Variants in GRIA4 observed in about 807,000 individuals in gnomAD.
The protein encoded by GRIA4 is glutamate receptor 4.
Under a neutral mutation model 104.0 loss-of-function variants are expected in GRIA4, and 34 were observed. The observed-to-expected ratio is 0.33, with a 90% confidence interval of 0.25 to 0.44. GRIA4 has a LOEUF of 0.44. GRIA4 is among the 20% of genes least tolerant of loss of function. The pLI is 1.00. For missense variants in GRIA4, 750 were observed against 1,096.5 expected (o/e 0.68, Z 4.46); for synonymous variants, 386 against 381.9 (o/e 1.01, Z -0.13).
chr11:105,809,980 T>A (rs764433819), intron 4 of GRIA4, among the ~76,000 whole-genome samples: 20 of 152,094 alleles, frequency 1.3e-4, no homozygotes, highest in Non-Finnish European at 2.5e-4. Flanking sequence ...CTCCCATATA[T>A]AAATTTTTAA....
Position 105,664,597 on chromosome 11 carries a change from C to A in GRIA4, c.247+52163C>A, listed in dbSNP as rs139087295. 2.2e-3 allele frequency among the ~76,000 whole-genome samples: 338 copies of A among 151,858 alleles called. 3 individuals are homozygous for A. The highest frequency in any genetic ancestry group is 7.5e-3 in the African/African-American group (312 of 41,446). On this transcript the variant is annotated intron_variant, in intron 3 of 16. Transcript: ENST00000282499. Reference sequence around the variant, plus strand: ...TCTAGCACTGTTTTGTGTGGTAGAACCAGTAGTCATTTCTATTTGTAAGAT... The same window carrying A: ...TCTAGCACTGTTTTGTGTGGTAGAAACAGTAGTCATTTCTATTTGTAAGAT...
chr11:105,944,692 A>G (rs900463411), intron 14 of GRIA4, among the ~76,000 whole-genome samples: 1 of 152,096 alleles, frequency 6.6e-6, no homozygotes, highest in African/African-American at 2.4e-5. Context: ...CTTCATCTGG[A>G]CAGATGCTGC....
intron 3 of GRIA4, 144 bp from the exon 4 acceptor site, chr11:105,752,837 C>T (rs1940083268): frequency 2.8e-6 from 2 of 723,772 alleles, no homozygotes. Flanking sequence ...TAATTGCACA[C>T]TTCACTTATA....
chr11:105,795,192 A>C (rs1942430017), intron 4 of GRIA4, among the ~76,000 whole-genome samples: 1 of 152,180 alleles, frequency 6.6e-6, no homozygotes, highest in Admixed American at 6.6e-5. Flanking sequence ...TGAGAAAAGA[A>C]CTACAGACTT....
chr11:105,869,908 A>G (rs1356105909), intron 5 of GRIA4, among the ~76,000 whole-genome samples: 1 of 152,090 alleles, frequency 6.6e-6, no homozygotes, highest in Non-Finnish European at 1.5e-5. Flanking sequence ...TTAAGATTAG[A>G]AGGAAATAAA....
intron 4 of GRIA4, among the ~76,000 whole-genome samples, chr11:105,860,377 C>T (rs781386165): frequency 3.7e-4 from 56 of 152,000 alleles, no homozygotes; most frequent in Non-Finnish European, 6.8e-4. Context: ...ACAAATATGC[C>T]CTAATCTTCC....
chr11:105,937,019 A>G (rs1280050196), intron 14 of GRIA4, among the ~76,000 whole-genome samples: 1 of 152,162 alleles, frequency 6.6e-6, no homozygotes, highest in Non-Finnish European at 1.5e-5. Flanking sequence ...AATTCCAGGT[A>G]TATTGATCTG....
intron 4 of GRIA4, among the ~76,000 whole-genome samples, chr11:105,756,624 GAA>G (rs199560316): frequency 1.8e-4 from 25 of 140,644 alleles, no homozygotes; most frequent in East Asian, 1.7e-3. Flanking sequence ...TAATAACTCA[GAA>G]AAAAAAAAAA....
Position 105,725,665 on chromosome 11 carries a change from G to C in GRIA4, c.248-27316G>C, listed in dbSNP as rs147214209. Among the ~76,000 whole-genome samples, 10 of 152,174 alleles carry C rather than the reference G, an allele frequency of 6.6e-5. No individual in the cohort carries two copies. In the East Asian group the frequency reaches 1.9e-3, roughly 29 times the overall value. On this transcript the variant is annotated intron_variant, in intron 3 of 16. Transcript: ENST00000282499. ...CCCAGTGAGACCAACACAGAAAGAG[G>C]GTGATTTCTGCATTTGCAACTGAGG...
intron 3 of GRIA4, among the ~76,000 whole-genome samples, chr11:105,660,170 G>T (rs144832672): frequency 1.1e-3 from 164 of 151,582 alleles, no homozygotes; most frequent in African/African-American, 3.8e-3. Flanking sequence ...AGCACATAAA[G>T]ATAATTCCCT....
chr11:105,818,532 T>C (rs1401930232), intron 4 of GRIA4, among the ~76,000 whole-genome samples: 1 of 152,174 alleles, frequency 6.6e-6, no homozygotes, highest in African/African-American at 2.4e-5. Flanking sequence ...TTATTACATA[T>C]AATAATAGCA....
chr11:105,839,228 T>A (rs1003921592), intron 4 of GRIA4, among the ~76,000 whole-genome samples: 2 of 152,176 alleles, frequency 1.3e-5, no homozygotes, highest in Admixed American at 1.3e-4. Flanking sequence ...CTTTCCACTT[T>A]GTATGGAAGA....
chr11:105,691,182 G>A (rs1953070990), intron 3 of GRIA4, among the ~76,000 whole-genome samples: 1 of 152,082 alleles, frequency 6.6e-6, no homozygotes, highest in South Asian at 2.1e-4. Context: ...AACTTTTCCT[G>A]AGTGAAGCAA....
chr11:105,694,167 TTAG>T (rs1953187893), intron 3 of GRIA4, among the ~76,000 whole-genome samples: 1 of 151,820 alleles, frequency 6.6e-6, no homozygotes, highest in Non-Finnish European at 1.5e-5. Flanking sequence ...TTTTTTTTTT[TTAG>T]ATGGAGTCTC....
chr11:105,750,973 G>A (rs757957636), intron 3 of GRIA4, among the ~76,000 whole-genome samples: 8 of 152,158 alleles, frequency 5.3e-5, no homozygotes, highest in South Asian at 2.1e-4. Flanking sequence ...CTTGAAAATC[G>A]TATGGTTTTC....
intron 16 of GRIA4, among the ~76,000 whole-genome samples, chr11:105,977,713 G>T (rs1435354998): frequency 1.3e-5 from 2 of 152,000 alleles, no homozygotes; most frequent in Admixed American, 6.6e-5. Context: ...AGATTTTCTT[G>T]ATATAAATAG....
chr11:105,685,072 C>G (rs978149050), intron 3 of GRIA4, among the ~76,000 whole-genome samples: 1 of 148,172 alleles, frequency 6.7e-6, no homozygotes, highest in African/African-American at 2.5e-5. Flanking sequence ...TTCATGATTA[C>G]GTAGCACATC....
intron 4 of GRIA4, among the ~76,000 whole-genome samples, chr11:105,840,772 T>C (rs989803550): frequency 7.9e-5 from 12 of 152,232 alleles, no homozygotes; most frequent in African/African-American, 2.7e-4. Flanking sequence ...GTGCATTTCT[T>C]AGAAAGCTAC....
chr11:105,627,109 G>C (rs1050997766), intron 3 of GRIA4, among the ~76,000 whole-genome samples: 4 of 152,130 alleles, frequency 2.6e-5, no homozygotes, highest in Non-Finnish European at 5.9e-5. Flanking sequence ...ATAGGTGTTG[G>C]GGGGAAATTC....
Sources: gnomAD v4.1 joint callset for allele counts (sites outside exome capture counted in the v4.1 genomes callset) on GRCh38, gnomAD v4.1.1 for gene constraint, MANE v1.5 for transcripts, NCBI Gene and HGNC (gene_info 2026-07-23, HGNC 2026-07-21) for gene names.